ABCA1: variants seen among roughly 807,000 people sequenced by gnomAD.
ABCA1 encodes ATP binding cassette subfamily A member 1, also known as phospholipid-transporting ATPase ABCA1.
In ABCA1, 133 loss-of-function variants were observed where a neutral mutation model predicts 262.5. The ratio of observed to expected loss-of-function variants is 0.51; its 90% CI spans 0.44 to 0.59. The LOEUF (loss-of-function observed/expected upper bound fraction) is 0.59. ABCA1 is among the 20% of genes least tolerant of loss of function. The pLI is 0.00. For synonymous variants in ABCA1, 1,022 were observed against 1,043.5 expected (o/e 0.98, Z 0.40); for missense variants, 2,452 against 2,777.5 (o/e 0.88, Z 2.63).
chr9:104,877,652 G>A (rs1239189848), intron 5 of ABCA1, among the ~76,000 whole-genome samples: 1 of 152,254 alleles, frequency 6.6e-6, no homozygotes, highest in Non-Finnish European at 1.5e-5. Flanking sequence ...TCAACTGTGG[G>A]CTATGAGCTT....
chr9:104,833,908 G>GC (rs1284138043), intron 11 of ABCA1, among the ~76,000 whole-genome samples: 7 of 150,792 alleles, frequency 4.6e-5, no homozygotes, highest in East Asian at 2.1e-4. Flanking sequence ...GCAGAGGCCT[G>GC]CACAGATGTG....
At chr9:104,890,599 A>G (rs1339849132) in intron 2 of ABCA1, among the ~76,000 whole-genome samples, 1 of 152,024 alleles carries the variant, frequency 6.6e-6, no homozygotes, top group Non-Finnish European at 1.5e-5. Context: ...ACAAAAAAAA[A>G]AAGCAAAGAT....
chr9:104,881,068 G>C (rs1036970473), intron 5 of ABCA1, among the ~76,000 whole-genome samples: 2 of 152,266 alleles, frequency 1.3e-5, no homozygotes, highest in African/African-American at 4.8e-5. Context: ...AGAATCGCTT[G>C]AACCCAGGAG....
At chr9:104,810,654 T>C (rs749109474) in intron 29 of ABCA1, 146 bp downstream of exon 29, 6 of 1,250,288 alleles carry the variant, frequency 4.8e-6, no homozygotes, top group South Asian at 1.2e-5. Context: ...GTTCTATGCA[T>C]GCAGTATTAG....
intron 1 of ABCA1, among the ~76,000 whole-genome samples, chr9:104,904,623 C>T (rs1450726171): frequency 6.6e-6 from 1 of 150,510 alleles, no homozygotes; most frequent in Non-Finnish European, 1.5e-5. Flanking sequence ...AAAACCACAA[C>T]GTGCCTTAGA....
At position 104,827,097 on chromosome 9, in the gene ABCA1, T is replaced by C. The variant is rs538552646; in HGVS notation, c.2188A>G (p.Ile730Val). 32 of 1,614,098 alleles carry C rather than the reference T, an allele frequency of 2.0e-5. No individual in the cohort carries two copies. The South Asian group carries it at 2.4e-4, about 12-fold the overall frequency. Residue 730 changes from isoleucine (I) to valine (V), a missense_variant, in exon 16 of 50, where the codon ATC becomes GTC. Coordinates refer to ENST00000374736, the MANE Select transcript of ABCA1 (RefSeq NM_005502.4). ...VFLSVFAVVT[I>V]LQCFLISTLF... is the part of the protein sequence containing the mutation. ...GTGCTAATCAGGAAGCACTGCAGGA[T>C]TGTCACCACAGCAAACACGGACAGG... is the stretch of plus-strand genomic sequence containing the variant.
At chr9:104,837,914 TCA>T (rs913307315) in intron 9 of ABCA1, among the ~76,000 whole-genome samples, 44 of 152,318 alleles carry the variant, frequency 2.9e-4, no homozygotes, top group African/African-American at 8.4e-4. Context: ...CCATCCAGAT[TCA>T]CACTCTCATG....
chr9:104,856,558 G>A (rs778608482), intron 7 of ABCA1, among the ~76,000 whole-genome samples: 3 of 152,228 alleles, frequency 2.0e-5, no homozygotes, highest in Admixed American at 6.5e-5. Flanking sequence ...GATACTGTCA[G>A]GTTGAAACCT....
In ABCA1 at chr9:104,825,691, A is replaced by G. The variant is rs541344598; in HGVS notation, c.2534T>C (p.Val845Ala). ...YGVMTWYIEA[V>A]FPGQYGIPRP... ...TGCCCAAAGCAGTGTACCTGGAAAGACAGCCTCAATGTACCAGGTCATCAC... is the reference window on the plus strand; with the variant it reads ...TGCCCAAAGCAGTGTACCTGGAAAGGCAGCCTCAATGTACCAGGTCATCAC... The change falls in exon 17 of 50, where the codon GTC becomes GCC. Residue 845 changes from valine to alanine, a missense_variant. By Grantham distance (64) the Val-to-Ala change is moderately conservative. Transcript: ENST00000374736. 18 of 1,614,170 alleles carry G rather than the reference A, an allele frequency of 1.1e-5. No individual in the cohort carries two copies. The East Asian group carries it at 2.9e-4, about 26-fold the overall frequency.
intron 2 of ABCA1, 119 bp downstream of exon 2, chr9:104,903,495 A>C: frequency 9.3e-7 from 1 of 1,079,738 alleles, no homozygotes; most frequent in Non-Finnish European, 1.4e-6. Flanking sequence ...GCCAGATTCC[A>C]TCAATCCCTG....
chr9:104,786,194 A>C, intron 48 of ABCA1, 104 bp downstream of exon 48: 2 of 972,230 alleles, frequency 2.1e-6, no homozygotes, highest in Non-Finnish European at 3.3e-6. Context: ...TGTTTTGCTC[A>C]GTTTTATTTC....
At position 104,831,771 on chromosome 9, in the gene ABCA1, C is replaced by G. The variant is rs764419635; in HGVS notation, c.1566G>C (p.Lys522Asn). Residue 522 changes from lysine to asparagine, a missense_variant, in exon 13 of 50, where the codon AAG becomes AAC. Physicochemically the swap from Lys to Asn is moderately conservative, Grantham distance 94. This residue lies in a region of ABCA1 where 1,032 missense variants were observed against 1,089.7 expected (regional missense o/e 0.95). Coordinates refer to ENST00000374736, the MANE Select transcript of ABCA1 (RefSeq NM_005502.4). ...PIATEVWLIN[K>N]SMELLDERKF... ...TCCTCTCATCCAGCAGCTCCATGGA[C>G]TTGTTGATGAGCCAGACTTCTGTTG... 6.2e-7 allele frequency: 1 copy of G among 1,614,076 alleles called. No homozygotes were observed. The highest frequency in any genetic ancestry group is 8.5e-7 in the Non-Finnish European group (1 of 1,180,048).
At chr9:104,791,885 A>G (rs766616595) in intron 43 of ABCA1, 51 bp downstream of exon 43, 2 of 1,566,354 alleles carry the variant, frequency 1.3e-6, no homozygotes, top group Admixed American at 3.4e-5. Context: ...GATTGGGTAG[A>G]GATAGTCTGA....
intron 2 of ABCA1, 58 bp downstream of exon 2, chr9:104,903,556 C>T (rs1840839415): frequency 1.3e-6 from 2 of 1,532,064 alleles, no homozygotes; most frequent in Admixed American, 2.0e-5. Flanking sequence ...CAATCCCCAA[C>T]TCAAAACCAC....
intron 36 of ABCA1, 32 bp from the exon 37 acceptor site, chr9:104,798,630 G>C: frequency 6.3e-7 from 1 of 1,599,632 alleles, no homozygotes. Context: ...AAATCTGAGG[G>C]GTCTTTGATG....
intron 8 of ABCA1, among the ~76,000 whole-genome samples, chr9:104,843,761 C>A (rs1160902829): frequency 1.3e-5 from 2 of 152,148 alleles, no homozygotes; most frequent in African/African-American, 4.8e-5. Context: ...CAACTTTCCA[C>A]ACGCTGACTG....
At position 104,785,603 on chromosome 9, in the gene ABCA1, T is replaced by C. The variant is rs1324396225; in HGVS notation, c.6438A>G (p.Ala2146=). The C allele has an allele frequency of 1.2e-6, 2 of 1,614,156 alleles. No homozygotes were observed. The highest frequency in any genetic ancestry group is 2.2e-5 in the East Asian group (1 of 44,886). The change falls in exon 49 of 50, where the codon GCA becomes GCG. Residue 2146 remains alanine, a synonymous_variant. Transcript: ENST00000374736. The part of the protein sequence containing the change: ...GDGYTIVVRI[A]GSNPDLKPVQ... ...CAGGCTTCAGGTCCGGGTTGGACCC[T>C]GCTATTCGTACAACTATTGTATAAC... is the stretch of plus-strand genomic sequence containing the variant.
At position 104,781,758 on chromosome 9, in the gene ABCA1, A is replaced by G. The variant is rs928863424; in HGVS notation, c.*2557T>C. On this transcript the variant is annotated 3_prime_UTR_variant, in exon 50 of 50. Coordinates refer to ENST00000374736, the MANE Select transcript of ABCA1 (RefSeq NM_005502.4). ...TTTTCTGAGGTGTCCCAAAGATGCAAAAGCAGAAATTTTTGAACACGTATT... is the reference window on the plus strand; with the variant it reads ...TTTTCTGAGGTGTCCCAAAGATGCAGAAGCAGAAATTTTTGAACACGTATT... 1.3e-5 allele frequency: 2 copies of G among 152,740 alleles called. No homozygotes were observed. The highest frequency in any genetic ancestry group is 2.4e-5 in the African/African-American group (1 of 41,572). 9.5% of individuals were successfully genotyped at this position (152,740 alleles called of 1,614,324 possible).
chr9:104,851,324 T>C (rs1835357184), intron 7 of ABCA1, among the ~76,000 whole-genome samples: 1 of 152,148 alleles, frequency 6.6e-6, no homozygotes, highest in African/African-American at 2.4e-5. Context: ...AGGCCCTATA[T>C]CCTCACATGG....
Sources: allele counts gnomAD v4.1 joint callset (sites outside exome capture counted in the v4.1 genomes callset), GRCh38; gene constraint gnomAD v4.1.1; regional missense constraint gnomAD v4.1.1; transcripts MANE v1.5; gene names NCBI Gene and HGNC (gene_info 2026-07-23, HGNC 2026-07-21).